The following SEMA3C variants were observed in gnomAD, a reference collection of about 807,000 sequenced individuals.
SEMA3C encodes the protein semaphorin 3C.
SEMA3C carries 47 observed loss-of-function variants against 89.4 expected under a neutral mutation model. The observed-to-expected ratio is 0.53, with a 90% CI of 0.42 to 0.67. SEMA3C has a LOEUF of 0.67. SEMA3C is among the 30% of genes least tolerant of loss of function. SEMA3C has a pLI of 0.00. For missense variants in SEMA3C, 839 were observed against 929.1 expected, an observed-to-expected ratio of 0.90 and a Z score of 1.26; for synonymous variants, 310 against 320.2, an observed-to-expected ratio of 0.97 and a Z score of 0.34.
intron 7 of SEMA3C, 60 bp from the exon 8 acceptor site, chr7:80,804,308 C>G (rs1789287001): frequency 1.6e-6 from 2 of 1,242,300 alleles, no homozygotes; most frequent in African/African-American, 3.1e-5. Context: ...CTTCTGTCAT[C>G]CAAGTAGACC....
intron 2 of SEMA3C, among the ~76,000 whole-genome samples, chr7:80,878,310 G>C (rs779767413): frequency 6.6e-6 from 1 of 152,112 alleles, no homozygotes; most frequent in South Asian, 2.1e-4. Flanking sequence ...CCTGGGAGGC[G>C]GAGGTTGCGG....
At chr7:80,824,475 C>T (rs1190883619) in intron 4 of SEMA3C, among the ~76,000 whole-genome samples, 2 of 152,112 alleles carry the variant, frequency 1.3e-5, no homozygotes, top group African/African-American at 2.4e-5. Context: ...AAAAGAGAAT[C>T]AATTGCATGC....
intron 9 of SEMA3C, among the ~76,000 whole-genome samples, chr7:80,801,612 A>C (rs1178888793): frequency 6.6e-6 from 1 of 152,106 alleles, no homozygotes; most frequent in Non-Finnish European, 1.5e-5. Context: ...ATTTATTTTA[A>C]ATTAAAAATG....
intron 2 of SEMA3C, among the ~76,000 whole-genome samples, chr7:80,852,450 A>G (rs1790535612): frequency 6.6e-6 from 1 of 152,210 alleles, no homozygotes; most frequent in African/African-American, 2.4e-5. Context: ...TTTTTTGAGT[A>G]GTACCCCATG....
At chr7:80,863,822 T>A (rs1455356367) in intron 2 of SEMA3C, among the ~76,000 whole-genome samples, 1 of 117,448 alleles carries the variant, frequency 8.5e-6, no homozygotes. Flanking sequence ...TACATATATA[T>A]GTGATATGTG....
chr7:80,831,542 A>G (rs1353712960), intron 2 of SEMA3C, among the ~76,000 whole-genome samples: 2 of 152,178 alleles, frequency 1.3e-5, no homozygotes, highest in East Asian at 3.9e-4. Flanking sequence ...GTTAATATTA[A>G]TATATTCAAT....
At chr7:80,883,357 A>G (rs966304251) in intron 2 of SEMA3C, among the ~76,000 whole-genome samples, 5 of 152,200 alleles carry the variant, frequency 3.3e-5, no homozygotes, top group Non-Finnish European at 4.4e-5. Flanking sequence ...AGGACCCCTT[A>G]TTCCAATCAC....
chr7:80,800,839 A>G lies in SEMA3C; in HGVS notation c.917-13T>C, dbSNP rs766438610. On this transcript the variant is annotated splice_polypyrimidine_tract_variant and intron_variant, in intron 9 of 17. Transcript: ENST00000265361. Reference sequence around the variant, plus strand: ...AGAAACACATCCTCTATAAAAAGGAAAATATTCTTTTAAAGTTTCTAAATA... The same window carrying G: ...AGAAACACATCCTCTATAAAAAGGAGAATATTCTTTTAAAGTTTCTAAATA... 6.7e-7 allele frequency: 1 copy of G among 1,487,336 alleles called. No homozygotes were observed. Among genetic ancestry groups the G allele is most frequent in the South Asian group, 1.4e-5 (1 of 73,522 alleles). 92.1% of individuals were successfully genotyped at this position (1,487,336 alleles called of 1,614,324 possible). A position where few individuals can be genotyped will look rare whatever the true frequency, so the allele number is the denominator to read the frequency against.
chr7:80,798,303 T>C (rs1789116121), intron 10 of SEMA3C, 67 bp from the exon 11 acceptor site: 1 of 1,226,362 alleles, frequency 8.2e-7, no homozygotes, highest in Non-Finnish European at 1.1e-6. Context: ...AAAAAATATA[T>C]GGTAAAATTT....
chr7:80,844,378 A>C (rs975024884), intron 2 of SEMA3C, among the ~76,000 whole-genome samples: 2 of 152,150 alleles, frequency 1.3e-5, no homozygotes, highest in Non-Finnish European at 2.9e-5. Context: ...ATTTTACATA[A>C]ATTAACATTT....
chr7:80,878,381 A>AAAAC (rs1032493774), intron 2 of SEMA3C, among the ~76,000 whole-genome samples: 2 of 152,224 alleles, frequency 1.3e-5, no homozygotes, highest in African/African-American at 4.8e-5. Context: ...TCCGTCTCAA[A>AAAAC]AAACAAACAA....
At position 80,818,299 on chromosome 7, in the gene SEMA3C, C is replaced by T. The variant is rs774031385; in HGVS notation, c.447G>A (p.Glu149=). ...AAGAATGTTAAATAGTTATACTTAC[C>T]TCTGATCTCCTCCCTCTGTTCAAGT... ...CTYLNRGRRS[E]DQVFMIDSKC... The change falls in exon 5 of 18, where the codon GAG becomes GAA. Residue 149 remains glutamate, a splice_region_variant and synonymous_variant. Coordinates refer to ENST00000265361, the MANE Select transcript of SEMA3C (RefSeq NM_006379.5). 1.2e-6 allele frequency: 2 copies of T among 1,602,778 alleles called. No homozygotes were observed. The highest frequency in any genetic ancestry group is 1.7e-6 in the Non-Finnish European group (2 of 1,171,796).
chr7:80,758,612 A>G, intron 14 of SEMA3C, 124 bp from the exon 15 acceptor site: 11 of 989,850 alleles, frequency 1.1e-5, no homozygotes, highest in Non-Finnish European at 1.7e-5. Flanking sequence ...TAAAAACATG[A>G]AGCAAAGCAC....
chr7:80,750,447 T>C (rs1583840589), intron 16 of SEMA3C, among the ~76,000 whole-genome samples: 1 of 50,924 alleles, frequency 2.0e-5, no homozygotes, highest in Non-Finnish European at 4.2e-5. Flanking sequence ...TATATATATA[T>C]ATATATATAT....
At chr7:80,751,573 T>C (rs1028911678) in intron 15 of SEMA3C, among the ~76,000 whole-genome samples, 2 of 152,180 alleles carry the variant, frequency 1.3e-5, no homozygotes, top group South Asian at 2.1e-4. Context: ...CTACCATTCA[T>C]GATGAAATGG....
At chr7:80,885,018 T>C (rs1336378860) in intron 2 of SEMA3C, among the ~76,000 whole-genome samples, 1 of 152,220 alleles carries the variant, frequency 6.6e-6, no homozygotes, top group Non-Finnish European at 1.5e-5. Flanking sequence ...GTAGAATTCA[T>C]TCTTTTTATG....
intron 12 of SEMA3C, among the ~76,000 whole-genome samples, chr7:80,786,129 T>C (rs1788796551): frequency 6.6e-6 from 1 of 152,198 alleles, no homozygotes; most frequent in South Asian, 2.1e-4. Context: ...TAAGCAATCA[T>C]CAGTGCAGCT....
rs75632016 is a variant in SEMA3C at position 80,804,267 on chromosome 7, G to T, written c.659-19C>A. 3.8e-3 allele frequency: 6,006 copies of T among 1,568,134 alleles called. 322 individuals are homozygous for T. The East Asian group carries it at 0.11, about 28-fold the overall frequency. On this transcript the variant is annotated intron_variant, in intron 7 of 17. Transcript: ENST00000265361. ...ATAGGTTCTAGAAAAAAAGGTAAAA[G>T]ACTAGGTATATATTCATTATGAAAA... is the stretch of plus-strand genomic sequence containing the variant.
chr7:80,804,046 G>C (rs1789277125), intron 8 of SEMA3C, 60 bp downstream of exon 8: 39 of 1,457,772 alleles, frequency 2.7e-5, no homozygotes, highest in African/African-American at 4.3e-5. Flanking sequence ...AAAGCACGGA[G>C]ATAAACCATA....
Sources: allele counts gnomAD v4.1 joint callset (sites outside exome capture counted in the v4.1 genomes callset), GRCh38; gene constraint gnomAD v4.1.1; transcripts MANE v1.5; gene names NCBI Gene and HGNC (gene_info 2026-07-23, HGNC 2026-07-21).